PCDHA3: variants seen among roughly 807,000 people sequenced by gnomAD.
The protein encoded by PCDHA3 is protocadherin alpha 3.
A neutral mutation model predicts 62.2 loss-of-function variants in PCDHA3; 41 were observed. The observed-to-expected ratio is 0.66, with a 90% CI of 0.51 to 0.86. The LOEUF is 0.86. PCDHA3 is among the 40% of genes least tolerant of loss of function. PCDHA3 has a pLI of 0.00. For synonymous variants in PCDHA3, 640 were observed against 555.4 expected (o/e 1.15, Z -2.14); for missense variants, 1,304 against 1,241.2 (o/e 1.05, Z -0.76).
intron 1 of PCDHA3, chr5:140,847,797 C>A (rs192930610): frequency 1.3e-5 from 2 of 149,780 alleles, no homozygotes; most frequent in African/African-American, 2.4e-5. Flanking sequence ...ATATTTTATA[C>A]CTTTTCAATT....
At chr5:140,969,297 T>C in intron 1 of PCDHA3, 2 of 1,614,200 alleles carry the variant, frequency 1.2e-6, no homozygotes, top group Non-Finnish European at 1.7e-6. Context: ...GGGAACCTGA[T>C]TATTCTCAAA....
chr5:140,848,561 A>C, intron 1 of PCDHA3: 1 of 1,595,546 alleles, frequency 6.3e-7, no homozygotes. Context: ...TGATCCTCGC[A>C]ATGTGGGTGG....
At chr5:140,840,473 G>T (rs1487904967) in intron 1 of PCDHA3, among the ~76,000 whole-genome samples, 1 of 151,942 alleles carries the variant, frequency 6.6e-6, no homozygotes, top group African/African-American at 2.4e-5. Flanking sequence ...GGGGAAAAAA[G>T]TTTAAAGGCA....
chr5:140,884,003 G>A, intron 1 of PCDHA3: 4 of 1,613,086 alleles, frequency 2.5e-6, no homozygotes, highest in African/African-American at 1.3e-5. Flanking sequence ...CACAGTGAGC[G>A]AGCTGATGCC....
At chr5:140,882,446 G>T (rs556783584) in intron 1 of PCDHA3, 1 of 1,613,924 alleles carries the variant, frequency 6.2e-7, no homozygotes, top group African/African-American at 1.3e-5. Flanking sequence ...GGCGGAGCTG[G>T]TGCCGCGCCT....
chr5:140,875,876 A>C, intron 1 of PCDHA3: 1 of 1,614,178 alleles, frequency 6.2e-7, no homozygotes, highest in South Asian at 1.1e-5. Flanking sequence ...GTGTTCAGAG[A>C]AAGGGAACAA....
rs994045696 is a variant in PCDHA3 at position 140,859,234 on chromosome 5, T to G, written c.2394+55643T>G. 5 of 142,110 alleles carry G rather than the reference T, an allele frequency of 3.5e-5. 2 individuals carry two copies. The highest frequency in any genetic ancestry group is 8.0e-5 in the Non-Finnish European group (5 of 62,814). The allele number at this position is 142,110 out of a possible 1,614,324, so 8.8% of individuals were successfully genotyped here. A position where few individuals can be genotyped will look rare whatever the true frequency, so the allele number is the denominator to read the frequency against. ...CTCTTTCACTTTAAGGAAGGAGTCA[T>G]GCTTATGTTTAATAATGAAGAGAAT... On this transcript the variant is annotated intron_variant, in intron 1 of 3. Transcript: ENST00000522353.
intron 1 of PCDHA3, chr5:140,870,613 T>C (rs1562647895): frequency 1.2e-6 from 2 of 1,613,078 alleles, no homozygotes; most frequent in Non-Finnish European, 1.7e-6. Flanking sequence ...CCGCGCGCTG[T>C]CGAGCTACGT....
At chr5:140,867,070 CA>C (rs1214152735) in intron 1 of PCDHA3, 1 of 152,124 alleles carries the variant, frequency 6.6e-6, no homozygotes, top group Non-Finnish European at 1.5e-5. Flanking sequence ...TATATATTCA[CA>C]AAATACTGTA....
chr5:140,989,563 C>A (rs1399360475), intron 3 of PCDHA3, among the ~76,000 whole-genome samples: 1 of 152,118 alleles, frequency 6.6e-6, no homozygotes, highest in Non-Finnish European at 1.5e-5. Flanking sequence ...TTTTGTGGCT[C>A]CGGCAAGCCC....
At chr5:140,970,953 G>A (rs975435719) in intron 1 of PCDHA3, among the ~76,000 whole-genome samples, 16 of 152,110 alleles carry the variant, frequency 1.1e-4, no homozygotes, top group South Asian at 4.1e-4. Flanking sequence ...AGAAACCATG[G>A]GAGGCAGATT....
At chr5:140,999,551 G>C (rs1189671768) in intron 3 of PCDHA3, among the ~76,000 whole-genome samples, 3 of 152,088 alleles carry the variant, frequency 2.0e-5, no homozygotes, top group East Asian at 1.9e-4. Context: ...CAATGAAGAG[G>C]GGGTATTTTG....
intron 1 of PCDHA3, among the ~76,000 whole-genome samples, chr5:140,890,741 A>G (rs1346321522): frequency 2.0e-5 from 3 of 152,132 alleles, no homozygotes; most frequent in African/African-American, 7.2e-5. Flanking sequence ...CTTATATACT[A>G]TTTCTGTCAT....
intron 1 of PCDHA3, among the ~76,000 whole-genome samples, chr5:140,806,596 A>G (rs1201550918): frequency 6.6e-6 from 1 of 152,178 alleles, no homozygotes; most frequent in Non-Finnish European, 1.5e-5. Context: ...GAAGTTCCCT[A>G]GAGACCAGTC....
rs1764491957 is a variant in PCDHA3, at chr5:140,809,532, GAGA to G, written c.2394+5945_2394+5947del. 4 of 1,613,958 alleles carry G rather than the reference GAGA, an allele frequency of 2.5e-6. No individual in the cohort carries two copies. The East Asian group carries it at 6.7e-5, about 27-fold the overall frequency. On this transcript the variant is annotated intron_variant, in intron 1 of 3. Coordinates refer to ENST00000522353, the MANE Select transcript of PCDHA3 (RefSeq NM_018906.3). The stretch of plus-strand genomic sequence containing the variant: ...CCCAGTTTACCTGACTCTAGGGACA[GAGA>G]AGATCAGCTGCAGACAACTGAGGAA...
At chr5:140,809,618 C>T in intron 1 of PCDHA3, 1 of 1,511,826 alleles carries the variant, frequency 6.6e-7, no homozygotes, top group Non-Finnish European at 8.9e-7. Context: ...TTGTTTTTCT[C>T]TATCAACTTC....
chr5:140,873,878 C>T (rs926010571), intron 1 of PCDHA3, among the ~76,000 whole-genome samples: 2 of 152,196 alleles, frequency 1.3e-5, no homozygotes, highest in African/African-American at 4.8e-5. Context: ...CCAGGCTGGT[C>T]TTGAACTCCT....
chr5:140,843,845 C>T (rs1191998999), intron 1 of PCDHA3: 4 of 1,001,396 alleles, frequency 4.0e-6, no homozygotes, highest in African/African-American at 1.6e-5. Context: ...TTTTTAGAAA[C>T]CTTTTATAAT....
chr5:140,970,752 T>A (rs1324041619), intron 1 of PCDHA3, among the ~76,000 whole-genome samples: 1 of 152,244 alleles, frequency 6.6e-6, no homozygotes, highest in Non-Finnish European at 1.5e-5. Context: ...CAATATATTT[T>A]CATTGACATA....
Sources: allele counts gnomAD v4.1 joint callset (sites outside exome capture counted in the v4.1 genomes callset), GRCh38; gene constraint gnomAD v4.1.1; transcripts MANE v1.5; gene names NCBI Gene and HGNC (gene_info 2026-07-23, HGNC 2026-07-21).